Variants in RABGAP1L observed in about 807,000 individuals in gnomAD.
RABGAP1L encodes the protein RAB GTPase activating protein 1 like.
Under a neutral mutation model 137.7 loss-of-function variants are expected in RABGAP1L, and 63 were observed. That is an observed-to-expected ratio of 0.46 (90% CI 0.37 to 0.56). The LOEUF (loss-of-function observed/expected upper bound fraction) is 0.56. Ranked by LOEUF, RABGAP1L falls within the 20% of genes least tolerant of loss-of-function variation. The pLI is 0.00. For synonymous variants in RABGAP1L, 431 were observed against 433.7 expected (o/e 0.99, Z 0.08); for missense variants, 1,095 against 1,244.0 (o/e 0.88, Z 1.80).
At chr1:174,895,417 C>CTTT (rs36080842) in intron 19 of RABGAP1L, among the ~76,000 whole-genome samples, 4 of 133,472 alleles carry the variant, frequency 3.0e-5, no homozygotes, top group African/African-American at 1.1e-4. Flanking sequence ...TATTCTAATT[C>CTTT]TTTTTTTTTT....
At chr1:174,890,772 G>A (rs1269625872) in intron 19 of RABGAP1L, among the ~76,000 whole-genome samples, 1 of 151,922 alleles carries the variant, frequency 6.6e-6, no homozygotes, top group African/African-American at 2.4e-5. Flanking sequence ...TCACTTAACA[G>A]TATGTGTTGA....
chr1:174,400,264 C>A (rs1164275427), intron 13 of RABGAP1L, among the ~76,000 whole-genome samples: 2 of 152,062 alleles, frequency 1.3e-5, no homozygotes, highest in Admixed American at 1.3e-4. Flanking sequence ...CAAATATATT[C>A]GATTTTGTGA....
At chr1:174,393,141 G>A (rs1367121392) in intron 12 of RABGAP1L, among the ~76,000 whole-genome samples, 1 of 152,112 alleles carries the variant, frequency 6.6e-6, no homozygotes, top group Non-Finnish European at 1.5e-5. Context: ...CACACCTTTG[G>A]GATGTGGTAA....
At chr1:174,663,729 G>A (rs1272407504) in intron 14 of RABGAP1L, among the ~76,000 whole-genome samples, 2 of 152,124 alleles carry the variant, frequency 1.3e-5, no homozygotes, top group Admixed American at 1.3e-4. Context: ...TCACTGATAT[G>A]TGAATATGCA....
At chr1:174,607,247 G>C (rs190274780) in intron 13 of RABGAP1L, among the ~76,000 whole-genome samples, 55 of 152,254 alleles carry the variant, frequency 3.6e-4, no homozygotes, top group Admixed American at 9.2e-4. Context: ...CAGTAAAATA[G>C]AAACAAAGAG....
At position 174,573,291 on chromosome 1, in the gene RABGAP1L, ATG is replaced by A. The variant is rs759920496; in HGVS notation, c.1711-64078_1711-64077del. 1.7e-3 allele frequency among the ~76,000 whole-genome samples: 250 copies of A among 150,268 alleles called. 1 individual carries two copies. Among genetic ancestry groups the A allele is most frequent in the Non-Finnish European group, 3.0e-3 (204 of 67,342 alleles). ...ATACACACTATATATGTTTATATGT[ATG>A]TGTGTATATATATATATAATTTGTG... On this transcript the variant is annotated intron_variant, in intron 13 of 25. Transcript: ENST00000681986.
chr1:174,431,258 C>T (rs188327978), intron 13 of RABGAP1L, among the ~76,000 whole-genome samples: 2 of 152,024 alleles, frequency 1.3e-5, no homozygotes, highest in East Asian at 3.9e-4. Flanking sequence ...GTTTTGAACC[C>T]TTTCTATGAG....
At chr1:174,601,525 T>A (rs1670412648) in intron 13 of RABGAP1L, among the ~76,000 whole-genome samples, 2 of 152,006 alleles carry the variant, frequency 1.3e-5, no homozygotes, top group Non-Finnish European at 2.9e-5. Context: ...AGGGATAGCA[T>A]TAGGAGAAAT....
intron 12 of RABGAP1L, among the ~76,000 whole-genome samples, chr1:174,393,414 C>T (rs1382895927): frequency 6.6e-6 from 1 of 152,150 alleles, no homozygotes; most frequent in Non-Finnish European, 1.5e-5. Flanking sequence ...ATAGGGCTTC[C>T]TGGAGGACCT....
chr1:174,595,950 C>T (rs1253954794), intron 13 of RABGAP1L, among the ~76,000 whole-genome samples: 1 of 103,974 alleles, frequency 9.6e-6, no homozygotes, highest in Non-Finnish European at 1.8e-5. Context: ...GCCCCTCCCC[C>T]AGCCTCGTTG....
intron 13 of RABGAP1L, among the ~76,000 whole-genome samples, chr1:174,583,909 A>G (rs1432384863): frequency 6.6e-6 from 1 of 152,232 alleles, no homozygotes; most frequent in Non-Finnish European, 1.5e-5. Flanking sequence ...GTGGTGGGTT[A>G]GTAGGGGAAA....
intron 14 of RABGAP1L, among the ~76,000 whole-genome samples, chr1:174,646,159 G>T (rs1419554289): frequency 6.6e-6 from 1 of 152,054 alleles, no homozygotes; most frequent in Non-Finnish European, 1.5e-5. Context: ...CCATTCTGTA[G>T]GTTACCTGTT....
intron 15 of RABGAP1L, among the ~76,000 whole-genome samples, chr1:174,692,864 G>A (rs1557990089): frequency 1.3e-5 from 2 of 152,006 alleles, no homozygotes; most frequent in Non-Finnish European, 2.9e-5. Context: ...CTATGACATA[G>A]GTATTATTAT....
intron 19 of RABGAP1L, among the ~76,000 whole-genome samples, chr1:174,905,656 G>A (rs914050788): frequency 6.6e-6 from 1 of 152,082 alleles, no homozygotes; most frequent in African/African-American, 2.4e-5. Context: ...TTCGAGACCA[G>A]CGTGGCCAAC....
chr1:174,652,378 G>T (rs1271173815), intron 14 of RABGAP1L, among the ~76,000 whole-genome samples: 2 of 152,008 alleles, frequency 1.3e-5, no homozygotes, highest in Admixed American at 6.6e-5. Flanking sequence ...AGGAGAAGAG[G>T]TGTTCTGGTT....
Position 174,230,254 on chromosome 1 carries a change from G to C in RABGAP1L, c.332-891G>C, listed in dbSNP as rs368665119. Among the ~76,000 whole-genome samples the C allele has an allele frequency of 2.0e-5, 3 of 148,716 alleles. No homozygotes were observed. The East Asian group carries it at 6.1e-4, about 30-fold the overall frequency. On this transcript the variant is annotated intron_variant, in intron 3 of 25. Coordinates refer to ENST00000681986, the MANE Select transcript of RABGAP1L (RefSeq NM_001366446.1). ...ACACACCGGGGCATGTTGTGAGGTG[G>C]GGGGAGGGGGGAGGGATAGCATTAG...
At chr1:174,736,720 A>G (rs114032190) in intron 17 of RABGAP1L, among the ~76,000 whole-genome samples, 55 of 152,324 alleles carry the variant, frequency 3.6e-4, no homozygotes, top group African/African-American at 1.3e-3. Flanking sequence ...ATCTAGGGGA[A>G]ATCTGCCAAG....
intron 11 of RABGAP1L, among the ~76,000 whole-genome samples, chr1:174,356,485 A>G (rs1457699888): frequency 1.3e-5 from 2 of 152,140 alleles, no homozygotes; most frequent in Non-Finnish European, 2.9e-5. Flanking sequence ...AATTGTGTGT[A>G]TAGATATTTC....
At chr1:174,427,183 T>A (rs879649740) in intron 13 of RABGAP1L, among the ~76,000 whole-genome samples, 1 of 144,926 alleles carries the variant, frequency 6.9e-6, no homozygotes, top group Non-Finnish European at 1.5e-5. Context: ...TGTGTGTGTG[T>A]GAACATTGAT....
Sources: gnomAD v4.1 joint callset for allele counts (sites outside exome capture counted in the v4.1 genomes callset) on GRCh38, gnomAD v4.1.1 for gene constraint, MANE v1.5 for transcripts, NCBI Gene and HGNC (gene_info 2026-07-23, HGNC 2026-07-21) for gene names.